Variants in GALNT13 observed in about 807,000 individuals in gnomAD.
GALNT13 encodes UDP-GalNAc:polypeptide N-acetylgalactosaminyltransferase 13.
In GALNT13, 28 loss-of-function variants were observed where a neutral mutation model predicts 64.2. The ratio of observed to expected loss-of-function variants is 0.44; its 90% CI spans 0.32 to 0.60. The LOEUF (loss-of-function observed/expected upper bound fraction) is 0.60. Ranked by LOEUF, GALNT13 falls within the 20% of genes least tolerant of loss-of-function variation. The pLI, the probability that GALNT13 is intolerant of heterozygous loss-of-function variation, is 0.05. For missense variants in GALNT13, 577 were observed against 669.8 expected (o/e 0.86, Z 1.53); for synonymous variants, 214 against 224.6 (o/e 0.95, Z 0.42).
chr2:154,219,448 A>G (rs532881851), intron 4 of GALNT13, among the ~76,000 whole-genome samples: 4 of 152,172 alleles, frequency 2.6e-5, no homozygotes, highest in East Asian at 1.9e-4. Flanking sequence ...CAATCTTACC[A>G]TTCTTCAATC....
At chr2:154,298,033 C>A (rs993214881) in intron 8 of GALNT13, among the ~76,000 whole-genome samples, 7 of 151,952 alleles carry the variant, frequency 4.6e-5, no homozygotes, top group African/African-American at 1.7e-4. Flanking sequence ...GAAAAGAGGT[C>A]TGGGCTGAGA....
rs1701967845 is a variant in GALNT13, at chr2:154,453,923, A to G, written c.*3372A>G. ...TATGGACTCTAATTTTCTGGATAAA[A>G]TATCCTGCCTTATGGAAATGAAATA... On this transcript the variant is annotated 3_prime_UTR_variant, in exon 13 of 13. Transcript: ENST00000392825. The G allele has an allele frequency of 6.6e-6, 1 of 152,154 alleles. No homozygotes were observed. The highest frequency in any genetic ancestry group is 1.5e-5 in the Non-Finnish European group (1 of 68,024). The allele number at this position is 152,154 out of a possible 1,614,324, so 9.4% of individuals were successfully genotyped here. A position where few individuals can be genotyped will look rare whatever the true frequency, so the allele number is the denominator to read the frequency against.
intron 2 of GALNT13, among the ~76,000 whole-genome samples, chr2:153,943,785 G>A (rs993492399): frequency 1.4e-4 from 21 of 152,178 alleles, no homozygotes; most frequent in African/African-American, 4.6e-4. Flanking sequence ...GTGAGCCGCC[G>A]TGCCCAGCTC....
At chr2:153,726,582 CT>C in the GALNT13 span, among the ~76,000 whole-genome samples, 1 of 152,110 alleles carries the variant, frequency 6.6e-6, no homozygotes, top group African/African-American at 2.4e-5. Context: ...TAAGAAATCT[CT>C]TTATTTTAAA....
At chr2:154,011,195 A>C (rs1249140494) in intron 3 of GALNT13, among the ~76,000 whole-genome samples, 6 of 151,794 alleles carry the variant, frequency 4.0e-5, no homozygotes, top group African/African-American at 1.5e-4. Flanking sequence ...TAGGTTGTCA[A>C]TTTGAGGTCT....
At chr2:153,765,904 C>T in the GALNT13 span, among the ~76,000 whole-genome samples, 1 of 152,122 alleles carries the variant, frequency 6.6e-6, no homozygotes, top group Non-Finnish European at 1.5e-5. Context: ...TCTTGCCTGC[C>T]ACCACGTAAG....
chr2:154,217,294 A>G (rs1688098133), intron 4 of GALNT13, among the ~76,000 whole-genome samples: 1 of 152,138 alleles, frequency 6.6e-6, no homozygotes, highest in Non-Finnish European at 1.5e-5. Context: ...TATAATTCAC[A>G]TTTAACTTCT....
intron 1 of GALNT13, among the ~76,000 whole-genome samples, chr2:153,884,898 G>A (rs1382335452): frequency 1.4e-5 from 2 of 141,896 alleles, no homozygotes; most frequent in African/African-American, 5.2e-5. Context: ...TTTTAGCCGA[G>A]CGTCGTGGCA....
At chr2:153,817,906 G>A in the GALNT13 span, among the ~76,000 whole-genome samples, 2,569 of 152,250 alleles carry the variant, frequency 0.017, 79 homozygotes, top group African/African-American at 0.058. Context: ...GGAGGGGGAG[G>A]TTCAAGCTGG....
At chr2:153,717,302 G>C in the GALNT13 span, among the ~76,000 whole-genome samples, 55 of 152,264 alleles carry the variant, frequency 3.6e-4, no homozygotes, top group African/African-American at 1.3e-3. Context: ...CCATTCTGCA[G>C]GGATTTCATT....
the GALNT13 span, among the ~76,000 whole-genome samples, chr2:153,412,203 T>A: frequency 2.6e-5 from 4 of 152,124 alleles, no homozygotes; most frequent in Non-Finnish European, 5.9e-5. Flanking sequence ...ATCCTATTAT[T>A]TCTGTCCCTC....
At chr2:153,510,078 A>G in the GALNT13 span, among the ~76,000 whole-genome samples, 1 of 152,206 alleles carries the variant, frequency 6.6e-6, no homozygotes, top group African/African-American at 2.4e-5. Flanking sequence ...AAATTTAGGA[A>G]AGAAACAGAG....
chr2:153,654,129 A>C, the GALNT13 span, among the ~76,000 whole-genome samples: 2 of 152,120 alleles, frequency 1.3e-5, no homozygotes, highest in Non-Finnish European at 2.9e-5. Flanking sequence ...AGTATGAAAT[A>C]TGGGAGATAG....
chr2:153,207,049 A>G, the GALNT13 span, among the ~76,000 whole-genome samples: 288 of 152,248 alleles, frequency 1.9e-3, 1 homozygote, highest in Non-Finnish European at 3.3e-3. Context: ...GACAACATTA[A>G]CAATACTTAA....
the GALNT13 span, among the ~76,000 whole-genome samples, chr2:153,087,275 A>G: frequency 6.6e-6 from 1 of 152,176 alleles, no homozygotes; most frequent in Non-Finnish European, 1.5e-5. Flanking sequence ...TATGTGATCT[A>G]TCATATTTAT....
chr2:153,306,960 G>A, the GALNT13 span, among the ~76,000 whole-genome samples: 30 of 152,240 alleles, frequency 2.0e-4, no homozygotes, highest in East Asian at 5.6e-3. Context: ...GGTCTTGAAC[G>A]CCTGGCCTAA....
the GALNT13 span, among the ~76,000 whole-genome samples, chr2:153,204,811 T>C: frequency 4.6e-5 from 7 of 152,158 alleles, no homozygotes; most frequent in Admixed American, 4.6e-4. Flanking sequence ...TACATGCTTG[T>C]ATATGGCCCA....
intron 3 of GALNT13, among the ~76,000 whole-genome samples, chr2:154,025,097 G>T (rs565690895): frequency 6.6e-6 from 1 of 152,150 alleles, no homozygotes; most frequent in Non-Finnish European, 1.5e-5. Context: ...TTGTCAGTCC[G>T]CCCCTACTGG....
intron 4 of GALNT13, among the ~76,000 whole-genome samples, chr2:154,154,934 T>TTG (rs60456139): frequency 0.088 from 13,132 of 149,280 alleles, 913 homozygotes; most frequent in African/African-American, 0.2. Context: ...TTGTTTATGT[T>TTG]TGTGTGTGTG....
Sources: gnomAD v4.1 joint callset for allele counts (sites outside exome capture counted in the v4.1 genomes callset) on GRCh38, gnomAD v4.1.1 for gene constraint, MANE v1.5 for transcripts, NCBI Gene and HGNC (gene_info 2026-07-23, HGNC 2026-07-21) for gene names.